The following DSCAML1 variants were observed in gnomAD, a reference collection of about 807,000 sequenced individuals.
DSCAML1 encodes DS cell adhesion molecule like 1, also known as cell adhesion molecule DSCAML1.
A neutral mutation model predicts 200.5 loss-of-function variants in DSCAML1; 38 were observed. That is an observed-to-expected ratio of 0.19 (90% confidence interval 0.15 to 0.25). DSCAML1 has a LOEUF of 0.25. Ranked by LOEUF, DSCAML1 falls within the 10% of genes least tolerant of loss-of-function variation. The pLI, the probability that DSCAML1 is intolerant of heterozygous loss-of-function variation, is 1.00. For missense variants in DSCAML1, 2,223 were observed against 2,858.8 expected (o/e 0.78, Z 5.07); for synonymous variants, 1,215 against 1,165.0 (o/e 1.04, Z -0.87).
chr11:117,547,192 G>A (rs1427849782), intron 3 of DSCAML1, among the ~76,000 whole-genome samples: 2 of 152,258 alleles, frequency 1.3e-5, no homozygotes, highest in South Asian at 2.1e-4. Context: ...AGCCGGGGGC[G>A]ACAGCCTCCA....
At chr11:117,683,462 G>T (rs142678789) in intron 3 of DSCAML1, among the ~76,000 whole-genome samples, 1 of 152,140 alleles carries the variant, frequency 6.6e-6, no homozygotes, top group Non-Finnish European at 1.5e-5. Context: ...CGAGTTTCTC[G>T]ACATCACTTC....
chr11:117,816,675 C>T (rs927346999), intron 1 of DSCAML1, among the ~76,000 whole-genome samples: 9 of 152,188 alleles, frequency 5.9e-5, no homozygotes, highest in African/African-American at 2.2e-4. Flanking sequence ...TCACGCCCTC[C>T]ACTCCCACCC....
intron 8 of DSCAML1, among the ~76,000 whole-genome samples, chr11:117,506,436 A>C: frequency 6.6e-6 from 1 of 151,920 alleles, no homozygotes; most frequent in Non-Finnish European, 1.5e-5. Context: ...AGATATGACC[A>C]TGGGATTTGA....
rs1371038249 is a variant in DSCAML1, at chr11:117,435,755, C to T, written c.4765G>A (p.Val1589Met). ...CAGCCGATGGTGAACAGCTTCTTCA[C>T]ATCATCCCCTTCACCTTGAGCAGAC... Reference protein sequence around the residue: ...IKSAQGEGDDVKKLFTIGCPV... With the variant: ...IKSAQGEGDDMKKLFTIGCPV... The change falls in exon 27 of 33, where the codon GTG (valine) becomes ATG (methionine). Residue 1589 changes from valine to methionine, a missense_variant. Val to Met is a conservative substitution (Grantham distance 21, BLOSUM62 1). Around this residue, in one of 7 missense-constraint regions of DSCAML1, gnomAD observed 614 missense variants for 739.1 expected, o/e 0.83. Coordinates refer to ENST00000651296, the MANE Select transcript of DSCAML1 (RefSeq NM_020693.4). 6.2e-7 allele frequency: 1 copy of T among 1,613,432 alleles called. No homozygotes were observed. The highest frequency in any genetic ancestry group is 8.5e-7 in the Non-Finnish European group (1 of 1,179,394).
At chr11:117,795,758 G>A (rs1489333091) in intron 1 of DSCAML1, among the ~76,000 whole-genome samples, 1 of 152,196 alleles carries the variant, frequency 6.6e-6, no homozygotes, top group Non-Finnish European at 1.5e-5. Context: ...ATCGCAGTGG[G>A]CTCCGGCAGG....
intron 3 of DSCAML1, among the ~76,000 whole-genome samples, chr11:117,756,004 C>T (rs1425655159): frequency 1.3e-5 from 2 of 152,238 alleles, no homozygotes; most frequent in Non-Finnish European, 2.9e-5. Context: ...AAGCTTACTG[C>T]CATGAGTTTT....
At chr11:117,653,697 C>T (rs1189338958) in intron 3 of DSCAML1, among the ~76,000 whole-genome samples, 1 of 152,182 alleles carries the variant, frequency 6.6e-6, no homozygotes, top group African/African-American at 2.4e-5. Context: ...AGCCATTCTA[C>T]TCCTAGGCAT....
chr11:117,800,156 G>C (rs2055643876), upstream of DSCAML1, among the ~76,000 whole-genome samples: 1 of 152,190 alleles, frequency 6.6e-6, no homozygotes, highest in Non-Finnish European at 1.5e-5. Context: ...AAATGTCTTT[G>C]AAAATGACAG....
rs200956723 is a variant in DSCAML1, at chr11:117,518,656, G to A, written c.1320C>T (p.Thr440=). The A allele has an allele frequency of 4.3e-6, 7 of 1,613,448 alleles. No homozygotes were observed. The East Asian group carries it at 1.6e-4, about 36-fold the overall frequency. The change falls in exon 7 of 33, where the codon ACC becomes ACT. Residue 440 remains threonine (T), a synonymous_variant. Coordinates refer to ENST00000651296, the MANE Select transcript of DSCAML1 (RefSeq NM_020693.4). This position sits in a 1 kb window ranked among gnomAD's most constrained non-coding sequence, Gnocchi z 6.3. ...AAKGAPPPTV[T]WALDDEPIVR... ...CGATGGGCTCATCGTCGAGGGCCCA[G>A]GTGACCGTGGGGGGCGGGGCGCCCT...
intron 1 of DSCAML1, among the ~76,000 whole-genome samples, chr11:117,807,400 G>T (rs146369558): frequency 1.3e-3 from 205 of 152,280 alleles, no homozygotes; most frequent in African/African-American, 4.7e-3. Flanking sequence ...TTTGGGGGGT[G>T]GGAGATCTCC....
At chr11:117,804,024 T>G (rs1245712507) in intron 1 of DSCAML1, among the ~76,000 whole-genome samples, 1 of 152,184 alleles carries the variant, frequency 6.6e-6, no homozygotes, top group East Asian at 1.9e-4. Context: ...ACCAGCATTG[T>G]GGACCGAGAC....
At position 117,428,351 on chromosome 11, in the gene DSCAML1, A is replaced by G. The variant is rs764358636; in HGVS notation, c.6139T>C (p.Ser2047Pro). ...RSQKQGAGAY[S>P]KSYTLV is the part of the protein sequence containing the mutation. ...CCCTACACCAGGGTGTAGGATTTGG[A>G]GTAGGCCCCGGCCCCCTGCTTCTGA... Residue 2047 changes from serine (S) to proline (P), a missense_variant, in exon 33 of 33, where the codon TCC becomes CCC. Physicochemically the swap from Ser to Pro is moderately conservative, Grantham distance 74. Coordinates refer to ENST00000651296, the MANE Select transcript of DSCAML1 (RefSeq NM_020693.4). The G allele has an allele frequency of 9.5e-6, 15 of 1,574,946 alleles. No homozygotes were observed. In the East Asian group the frequency reaches 3.1e-4, roughly 33 times the overall value.
Position 117,504,793 on chromosome 11 carries a change from T to TG in DSCAML1, c.2182+130dup. The TG allele has an allele frequency of 7.8e-7, 1 of 1,289,376 alleles. No homozygotes were observed. The highest frequency in any genetic ancestry group is 1.0e-6 in the Non-Finnish European group (1 of 989,090). The allele number at this position is 1,289,376 out of a possible 1,614,324, so 79.9% of individuals were successfully genotyped here. ...AGGTGAGGTGTAGCCTGGGGTCCACTGGGGTGCAGACCAGAGGACTCCCAT... is the reference window on the plus strand; with the variant it reads ...AGGTGAGGTGTAGCCTGGGGTCCACTGGGGGTGCAGACCAGAGGACTCCCAT... On this transcript the variant is annotated intron_variant, in intron 10 of 32. Coordinates refer to ENST00000651296, the MANE Select transcript of DSCAML1 (RefSeq NM_020693.4). This position sits in a 1 kb window ranked among gnomAD's most constrained non-coding sequence, Gnocchi z 5.0.
At position 117,780,586 on chromosome 11, in the gene DSCAML1, C is replaced by T. The variant is rs773114652; in HGVS notation, c.271G>A (p.Ala91Thr). The T allele has an allele frequency of 5.1e-6, 8 of 1,579,610 alleles. No individual in the cohort carries two copies. In the African/African-American group the frequency reaches 6.8e-5, roughly 13 times the overall value. The change falls in exon 2 of 33, where the codon GCC (alanine) becomes ACC (threonine). Residue 91 changes from alanine (A) to threonine (T), a missense_variant. Physicochemically the swap from Ala to Thr is moderately conservative, Grantham distance 58. Coordinates refer to ENST00000651296, the MANE Select transcript of DSCAML1 (RefSeq NM_020693.4). The surrounding 1 kb of genome is among the most constrained non-coding windows in gnomAD (Gnocchi z 4.8). Reference protein sequence around the residue: ...TLQLYPFSPSAFNSFIHDNDY... With the variant: ...TLQLYPFSPSTFNSFIHDNDY... Reference sequence around the variant, plus strand: ...TTGTCGTGGATAAAGCTATTGAAGGCGGAGGGGGAGAAGGGGTAGAGCTGC... The same window carrying T: ...TTGTCGTGGATAAAGCTATTGAAGGTGGAGGGGGAGAAGGGGTAGAGCTGC...
In DSCAML1 at chr11:117,758,841, G is replaced by A. The variant is rs145245182; in HGVS notation, c.511+17950C>T. Among the ~76,000 whole-genome samples, 5 of 152,218 alleles carry A rather than the reference G, an allele frequency of 3.3e-5. No homozygotes were observed. In the East Asian group the frequency reaches 9.7e-4, roughly 29 times the overall value. On this transcript the variant is annotated intron_variant, in intron 3 of 32. Coordinates refer to ENST00000651296, the MANE Select transcript of DSCAML1 (RefSeq NM_020693.4). The stretch of plus-strand genomic sequence containing the variant: ...GGGCCTACCTGCACGAGCAGCATGT[G>A]AGCGTCCCCAACTATGCGTTTGCTT...
intron 3 of DSCAML1, among the ~76,000 whole-genome samples, chr11:117,567,767 G>A (rs1229185909): frequency 6.6e-6 from 1 of 152,136 alleles, no homozygotes; most frequent in Non-Finnish European, 1.5e-5. Context: ...GGACCAGATG[G>A]ATTCACAGCC....
At chr11:117,438,237 T>C (rs1427213847) in intron 24 of DSCAML1, among the ~76,000 whole-genome samples, 154 bp from the exon 25 acceptor site, 2 of 152,022 alleles carry the variant, frequency 1.3e-5, no homozygotes, top group Admixed American at 6.5e-5. Flanking sequence ...AGAAGCAAAA[T>C]TGGAAGGATC....
chr11:117,433,955 C>T (rs550070863), intron 27 of DSCAML1, among the ~76,000 whole-genome samples: 1 of 152,286 alleles, frequency 6.6e-6, no homozygotes, highest in Admixed American at 6.5e-5. Context: ...GGCCTCTGTC[C>T]CCAAAAAGTC....
At chr11:117,688,352 C>T (rs1591401515) in intron 3 of DSCAML1, among the ~76,000 whole-genome samples, 1 of 152,180 alleles carries the variant, frequency 6.6e-6, no homozygotes, top group African/African-American at 2.4e-5. Flanking sequence ...GGGCTGTGTT[C>T]TCGGGGATGG....
Sources: allele counts gnomAD v4.1 joint callset (sites outside exome capture counted in the v4.1 genomes callset), GRCh38; gene constraint gnomAD v4.1.1; regional missense constraint gnomAD v4.1.1; non-coding constraint Gnocchi (gnomAD v3.1); transcripts MANE v1.5; gene names NCBI Gene and HGNC (gene_info 2026-07-23, HGNC 2026-07-21).